Variants in FRAS1 observed in about 807,000 individuals in gnomAD.
FRAS1 encodes the protein Fraser extracellular matrix complex subunit 1.
Under a neutral mutation model 435.2 loss-of-function variants are expected in FRAS1, and 290 were observed. The ratio of observed to expected loss-of-function variants is 0.67; its 90% CI spans 0.61 to 0.73. FRAS1 has a LOEUF of 0.73. Among genes scored for constraint, FRAS1 ranks in the 30% least tolerant of loss-of-function variants. FRAS1 has a pLI of 0.00. For missense variants in FRAS1, 4,860 were observed against 5,001.5 expected (o/e 0.97, Z 0.85); for synonymous variants, 1,800 against 1,851.0 (o/e 0.97, Z 0.71).
At chr4:78,103,713 G>A (rs74624390) in intron 2 of FRAS1, among the ~76,000 whole-genome samples, 300 of 152,268 alleles carry the variant, frequency 2.0e-3, no homozygotes, top group Middle Eastern at 0.014. Flanking sequence ...CACCATGTGA[G>A]GACACAGTGA....
At chr4:78,059,512 A>G (rs1408186249) in intron 1 of FRAS1, among the ~76,000 whole-genome samples, 1 of 151,910 alleles carries the variant, frequency 6.6e-6, no homozygotes, top group East Asian at 1.9e-4. Flanking sequence ...ACTTTGGAAA[A>G]AAAAAAAAAA....
intron 14 of FRAS1, among the ~76,000 whole-genome samples, chr4:78,295,007 C>T (rs1010032844): frequency 4.6e-5 from 7 of 151,312 alleles, no homozygotes; most frequent in African/African-American, 1.5e-4. Flanking sequence ...TACACATACA[C>T]TTTTTTTTTC....
Position 78,541,267 on chromosome 4 carries a change from C to T in FRAS1, c.*143C>T. Reference sequence around the variant, plus strand: ...AGCACACATCACATGCATCAACTCACAACTGAGCTACCTCATTCAGCAAAG... The same window carrying T: ...AGCACACATCACATGCATCAACTCATAACTGAGCTACCTCATTCAGCAAAG... On this transcript the variant is annotated 3_prime_UTR_variant, in exon 74 of 74. Coordinates refer to ENST00000512123, the MANE Select transcript of FRAS1 (RefSeq NM_025074.7). The T allele has an allele frequency of 2.2e-6, 1 of 454,366 alleles. No homozygotes were observed. Among genetic ancestry groups the T allele is most frequent in the Non-Finnish European group, 3.7e-6 (1 of 267,360 alleles). 28.1% of individuals were successfully genotyped at this position (454,366 alleles called of 1,614,324 possible). A position where few individuals can be genotyped will look rare whatever the true frequency, so the allele number is the denominator to read the frequency against.
intron 25 of FRAS1, 57 bp downstream of exon 25, chr4:78,374,308 A>G (rs918922158): frequency 2.0e-6 from 3 of 1,478,742 alleles, no homozygotes; most frequent in South Asian, 1.4e-5. Context: ...AGTAAGTCAC[A>G]TGTGCTGACT....
chr4:78,120,366 C>T (rs1165169175), intron 2 of FRAS1, among the ~76,000 whole-genome samples: 2 of 152,194 alleles, frequency 1.3e-5, no homozygotes, highest in Admixed American at 1.3e-4. Flanking sequence ...TGAGGTTTAA[C>T]TTAGAGTTGT....
intron 66 of FRAS1, among the ~76,000 whole-genome samples, chr4:78,516,924 T>A (rs1229855890): frequency 6.6e-6 from 1 of 152,174 alleles, no homozygotes; most frequent in African/African-American, 2.4e-5. Context: ...CCATATCAAT[T>A]AGTGACAACT....
At chr4:78,387,889 G>A (rs541290909) in intron 29 of FRAS1, among the ~76,000 whole-genome samples, 188 bp downstream of exon 29, 3 of 152,272 alleles carry the variant, frequency 2.0e-5, no homozygotes, top group South Asian at 2.1e-4. Flanking sequence ...CTGTCCCCAT[G>A]TTCTCTACAA....
At chr4:78,089,674 A>G (rs1221584222) in intron 2 of FRAS1, among the ~76,000 whole-genome samples, 1 of 152,120 alleles carries the variant, frequency 6.6e-6, no homozygotes, top group East Asian at 1.9e-4. Context: ...CCAATTGCTC[A>G]AACTTCTTTT....
chr4:78,536,359 A>G (rs971951217), intron 71 of FRAS1, among the ~76,000 whole-genome samples: 1 of 152,098 alleles, frequency 6.6e-6, no homozygotes, highest in African/African-American at 2.4e-5. Context: ...ACCTGGTTTC[A>G]TGCTCTCTTA....
intron 9 of FRAS1, among the ~76,000 whole-genome samples, chr4:78,275,298 C>G (rs1378460041): frequency 6.6e-6 from 1 of 152,156 alleles, no homozygotes; most frequent in African/African-American, 2.4e-5. Context: ...TTAATTGGAG[C>G]ATTTAGCCCA....
intron 2 of FRAS1, among the ~76,000 whole-genome samples, chr4:78,158,918 G>A (rs973928208): frequency 1.3e-5 from 2 of 152,156 alleles, no homozygotes; most frequent in Admixed American, 1.3e-4. Context: ...TAGTGATGAA[G>A]AGTAGCCACA....
intron 35 of FRAS1, among the ~76,000 whole-genome samples, chr4:78,427,204 T>A (rs541201261): frequency 4.3e-4 from 66 of 152,236 alleles, no homozygotes; most frequent in Non-Finnish European, 7.5e-4. Flanking sequence ...GGTGGCTTTC[T>A]AAAAAGAGAA....
intron 2 of FRAS1, among the ~76,000 whole-genome samples, chr4:78,216,263 C>T (rs964885905): frequency 5.3e-5 from 8 of 152,192 alleles, no homozygotes; most frequent in African/African-American, 1.9e-4. Flanking sequence ...GCTTCTCTTG[C>T]AAATATCTGG....
intron 2 of FRAS1, among the ~76,000 whole-genome samples, chr4:78,176,967 T>G (rs1721801019): frequency 6.6e-6 from 1 of 152,248 alleles, no homozygotes; most frequent in South Asian, 2.1e-4. Flanking sequence ...ACCTTTGTCT[T>G]GTATTGCTGA....
At chr4:78,401,001 A>C in intron 30 of FRAS1, 114 bp downstream of exon 30, 1 of 883,492 alleles carries the variant, frequency 1.1e-6, no homozygotes, top group Non-Finnish European at 1.7e-6. Context: ...GCTTTCTAAT[A>C]CCTTACAAAT....
At chr4:78,432,704 A>G (rs1734264342) in intron 38 of FRAS1, 100 bp downstream of exon 38, 7 of 1,355,798 alleles carry the variant, frequency 5.2e-6, no homozygotes, top group Non-Finnish European at 6.9e-6. Flanking sequence ...GGCAGCAGGT[A>G]TATGGTCACG....
intron 2 of FRAS1, among the ~76,000 whole-genome samples, chr4:78,190,320 A>T (rs2110062749): frequency 6.6e-6 from 1 of 152,162 alleles, no homozygotes; most frequent in East Asian, 1.9e-4. Flanking sequence ...CAGAAACCCC[A>T]CATGACTGGC....
At chr4:78,364,825 G>A (rs1731201038) in intron 22 of FRAS1, among the ~76,000 whole-genome samples, 1 of 152,218 alleles carries the variant, frequency 6.6e-6, no homozygotes, top group Admixed American at 6.5e-5. Flanking sequence ...TATAGTGGTA[G>A]TATTTCAGTT....
chr4:78,186,921 T>C (rs1179314782), intron 2 of FRAS1, among the ~76,000 whole-genome samples: 4 of 152,238 alleles, frequency 2.6e-5, no homozygotes, highest in Non-Finnish European at 2.9e-5. Flanking sequence ...GTAATATATG[T>C]ACTTAGCTTC....
Sources: gnomAD v4.1 joint callset for allele counts (sites outside exome capture counted in the v4.1 genomes callset) on GRCh38, gnomAD v4.1.1 for gene constraint, MANE v1.5 for transcripts, NCBI Gene and HGNC (gene_info 2026-07-23, HGNC 2026-07-21) for gene names.